NAALADL2: variants seen among roughly 807,000 people sequenced by gnomAD.
NAALADL2 encodes the protein inactive N-acetylated-alpha-linked acidic dipeptidase-like protein 2.
In NAALADL2, 76 loss-of-function variants were observed where a neutral mutation model predicts 87.2. That is an observed-to-expected ratio of 0.87 (90% CI 0.72 to 1.05). The LOEUF (loss-of-function observed/expected upper bound fraction) is 1.05, where lower values mean the gene tolerates loss of function less well. Among genes scored for constraint, NAALADL2 ranks in the 50% least tolerant of loss-of-function variants. NAALADL2 has a pLI of 0.00. For missense variants in NAALADL2, 1,089 were observed against 945.8 expected (o/e 1.15, Z -1.99); for synonymous variants, 354 against 331.0 (o/e 1.07, Z -0.75).
At chr3:175,299,116 C>T (rs1756720810) in intron 4 of NAALADL2, among the ~76,000 whole-genome samples, 2 of 152,048 alleles carry the variant, frequency 1.3e-5, no homozygotes, top group African/African-American at 4.8e-5. Context: ...CTGTTCTGTA[C>T]CATTGGTCTA....
At chr3:175,058,917 G>T (rs1234588653) in intron 1 of NAALADL2, among the ~76,000 whole-genome samples, 2 of 152,154 alleles carry the variant, frequency 1.3e-5, no homozygotes, top group African/African-American at 4.8e-5. Flanking sequence ...GCTCAGTTTT[G>T]CTTTTTCCTC....
At chr3:174,645,953 A>G (rs482153) in intron 2 of NAALADL2, among the ~76,000 whole-genome samples, 28,704 of 152,146 alleles carry the variant, frequency 0.19, 2,935 homozygotes, top group South Asian at 0.26. Context: ...ACAAGGGTCT[A>G]GACAGTGGAT....
At chr3:174,852,571 A>G (rs1725371596) in intron 3 of NAALADL2, among the ~76,000 whole-genome samples, 1 of 152,160 alleles carries the variant, frequency 6.6e-6, no homozygotes, top group African/African-American at 2.4e-5. Flanking sequence ...AGAGGACACA[A>G]AAACATGGAA....
intron 1 of NAALADL2, among the ~76,000 whole-genome samples, chr3:175,015,123 AAG>A (rs1750644870): frequency 6.6e-6 from 1 of 152,082 alleles, no homozygotes. Context: ...ACTTGGCAAA[AAG>A]AAAACTGAAT....
Position 175,691,188 on chromosome 3 carries a change from ATG to A in NAALADL2, c.1897-46114_1897-46113del, listed in dbSNP as rs531839987. 1.4e-3 allele frequency among the ~76,000 whole-genome samples: 205 copies of A among 151,178 alleles called. 1 individual carries two copies. Among genetic ancestry groups the A allele is most frequent in the African/African-American group, 4.7e-3 (193 of 41,382 alleles). On this transcript the variant is annotated intron_variant, in intron 11 of 13. Coordinates refer to ENST00000454872, the MANE Select transcript of NAALADL2 (RefSeq NM_207015.3). ...ATATAGAGACAGAAACTTTATATAT[ATG>A]TGTATATGTATATATAAATGTATGT... is the stretch of plus-strand genomic sequence containing the variant.
intron 2 of NAALADL2, among the ~76,000 whole-genome samples, chr3:174,594,314 T>C (rs1300120920): frequency 6.6e-6 from 1 of 152,146 alleles, no homozygotes; most frequent in Non-Finnish European, 1.5e-5. Context: ...CATAGCTCAA[T>C]GTGTTTTCAT....
At chr3:174,855,354 A>T (rs1047869529), upstream of NAALADL2, among the ~76,000 whole-genome samples, 74 of 152,236 alleles carry the variant, frequency 4.9e-4, no homozygotes, top group African/African-American at 1.7e-3. Flanking sequence ...TCCACCATTG[A>T]TTGAAACATC....
intron 1 of NAALADL2, among the ~76,000 whole-genome samples, chr3:174,450,020 T>TACATAC (rs916372185): frequency 1.3e-5 from 2 of 148,780 alleles, no homozygotes; most frequent in African/African-American, 2.5e-5. Context: ...AACACATACA[T>TACATAC]ACACACACAC....
intron 13 of NAALADL2, among the ~76,000 whole-genome samples, chr3:175,763,502 T>C (rs1244863671): frequency 6.6e-6 from 1 of 152,182 alleles, no homozygotes; most frequent in African/African-American, 2.4e-5. Context: ...GCTTACATAG[T>C]CTTAAAATGA....
chr3:174,913,684 A>T (rs564900542), intron 1 of NAALADL2, among the ~76,000 whole-genome samples: 12 of 152,322 alleles, frequency 7.9e-5, no homozygotes, highest in Admixed American at 3.9e-4. Context: ...AAATTAAACC[A>T]AATGAAGTAC....
intron 1 of NAALADL2, among the ~76,000 whole-genome samples, chr3:174,456,282 G>T (rs1715825974): frequency 6.6e-6 from 1 of 151,916 alleles, no homozygotes; most frequent in South Asian, 2.1e-4. Flanking sequence ...TGACCATACT[G>T]CCCAAAGCAA....
At chr3:175,181,599 G>A (rs71312316) in intron 2 of NAALADL2, among the ~76,000 whole-genome samples, 7 of 150,270 alleles carry the variant, frequency 4.7e-5, no homozygotes, top group Admixed American at 1.3e-4. Context: ...ATTTCAGTTA[G>A]CATGTCTTCC....
chr3:174,998,778 T>C (rs1296462770), intron 1 of NAALADL2, among the ~76,000 whole-genome samples: 1 of 152,196 alleles, frequency 6.6e-6, no homozygotes, highest in East Asian at 1.9e-4. Context: ...TTTTTAAGAA[T>C]GATTTGCTCC....
chr3:174,850,807 CA>C, intron 3 of NAALADL2, among the ~76,000 whole-genome samples: 1 of 152,132 alleles, frequency 6.6e-6, no homozygotes, highest in South Asian at 2.1e-4. Flanking sequence ...ATGCAGAATG[CA>C]CATTCTTCTC....
chr3:175,182,852 G>C (rs1289281275), intron 2 of NAALADL2, among the ~76,000 whole-genome samples: 2 of 151,700 alleles, frequency 1.3e-5, no homozygotes, highest in Non-Finnish European at 1.5e-5. Flanking sequence ...TTTTCTTCTA[G>C]TATTTTTACA....
intron 5 of NAALADL2, among the ~76,000 whole-genome samples, chr3:175,438,598 C>T (rs1184929675): frequency 6.6e-6 from 1 of 151,838 alleles, no homozygotes; most frequent in Non-Finnish European, 1.5e-5. Flanking sequence ...TTGTTTGGTT[C>T]TCTGGTAAGT....
Position 175,066,947 on chromosome 3 carries a change from A to C in NAALADL2, c.44-29843A>C, listed in dbSNP as rs573855455. Among the ~76,000 whole-genome samples the C allele has an allele frequency of 5.9e-5, 9 of 152,288 alleles. No homozygotes were observed. The South Asian group carries it at 1.9e-3, about 32-fold the overall frequency. On this transcript the variant is annotated intron_variant, in intron 1 of 13. Transcript: ENST00000454872. ...GGAGGCATCCTGTAAATCTTTGTAA[A>C]TGTCAAGGCCTATCTAATTATTTCC...
chr3:175,781,476 C>T (rs1353006471), intron 13 of NAALADL2, among the ~76,000 whole-genome samples: 1 of 151,952 alleles, frequency 6.6e-6, no homozygotes, highest in Non-Finnish European at 1.5e-5. Context: ...GCAATTATAA[C>T]TAAGTACAGT....
chr3:174,953,898 C>T (rs376803021), intron 1 of NAALADL2, among the ~76,000 whole-genome samples: 92 of 152,110 alleles, frequency 6.0e-4, no homozygotes, highest in African/African-American at 2.1e-3. Flanking sequence ...ACATACACTC[C>T]GTTCTCTGTC....
Sources: allele counts gnomAD v4.1 joint callset (sites outside exome capture counted in the v4.1 genomes callset), GRCh38; gene constraint gnomAD v4.1.1; transcripts MANE v1.5; gene names NCBI Gene and HGNC (gene_info 2026-07-23, HGNC 2026-07-21).